B4GALT1: variants seen among roughly 807,000 people sequenced by gnomAD.
The protein encoded by B4GALT1 is beta-1,4-galactosyltransferase 1, also known as N-acetyllactosamine synthase.
In B4GALT1, 16 loss-of-function variants were observed where a neutral mutation model predicts 34.9. The ratio of observed to expected loss-of-function variants is 0.46; its 90% CI spans 0.31 to 0.70. The LOEUF is 0.70. Ranked by LOEUF, B4GALT1 falls within the 30% of genes least tolerant of loss-of-function variation. B4GALT1 has a pLI of 0.05. For missense variants in B4GALT1, 445 were observed against 530.5 expected (o/e 0.84, Z 1.58); for synonymous variants, 221 against 218.1 (o/e 1.01, Z -0.12).
intron 2 of B4GALT1, among the ~76,000 whole-genome samples, chr9:33,132,064 G>T (rs933670429): frequency 6.6e-6 from 1 of 151,644 alleles, no homozygotes; most frequent in African/African-American, 2.4e-5. Flanking sequence ...TTCTCCTAAG[G>T]TGGAAAGTTA....
intron 4 of B4GALT1, among the ~76,000 whole-genome samples, chr9:33,114,743 C>T (rs920901916): frequency 6.6e-6 from 1 of 152,360 alleles, no homozygotes; most frequent in South Asian, 2.1e-4. Flanking sequence ...AGAGGCAGAA[C>T]TGGCTGATCC....
intron 1 of B4GALT1, among the ~76,000 whole-genome samples, chr9:33,149,262 C>G (rs1222291998): frequency 2.0e-5 from 3 of 150,564 alleles, no homozygotes; most frequent in East Asian, 3.9e-4. Context: ...CCATAAGATA[C>G]TTAAAAAATT....
At chr9:33,106,299 G>A (rs1177071227), downstream of B4GALT1, among the ~76,000 whole-genome samples, 2 of 152,160 alleles carry the variant, frequency 1.3e-5, no homozygotes. Context: ...CTTTGTCAAA[G>A]GACAGATGGC....
intron 1 of B4GALT1, among the ~76,000 whole-genome samples, chr9:33,144,125 T>G (rs1487231508): frequency 6.6e-6 from 1 of 152,172 alleles, no homozygotes; most frequent in Non-Finnish European, 1.5e-5. Context: ...CTCAAGAGAT[T>G]TTCCTGTCTT....
chr9:33,183,480 TG>T, the B4GALT1 span, among the ~76,000 whole-genome samples: 2 of 138,632 alleles, frequency 1.4e-5, no homozygotes, highest in African/African-American at 5.4e-5. Context: ...TCATGTCCTT[TG>T]TAGGGACATG....
chr9:33,162,448 G>A (rs993876498), intron 1 of B4GALT1, among the ~76,000 whole-genome samples: 1 of 152,142 alleles, frequency 6.6e-6, no homozygotes, highest in Admixed American at 6.5e-5. Flanking sequence ...CATAATACAG[G>A]AACACTGCTG....
At chr9:33,164,937 A>G (rs1840725921) in intron 1 of B4GALT1, among the ~76,000 whole-genome samples, 1 of 141,902 alleles carries the variant, frequency 7.0e-6, no homozygotes, top group East Asian at 2.0e-4. Context: ...TATTATTACT[A>G]TATTATTATT....
intron 2 of B4GALT1, among the ~76,000 whole-genome samples, chr9:33,131,809 T>C (rs751719444): frequency 5.3e-5 from 8 of 152,232 alleles, no homozygotes; most frequent in Admixed American, 1.3e-4. Flanking sequence ...AGTTCCTAAT[T>C]TGTAGACAGG....
intron 1 of B4GALT1, among the ~76,000 whole-genome samples, chr9:33,148,358 C>T (rs954931465): frequency 5.9e-5 from 9 of 152,286 alleles, no homozygotes; most frequent in Admixed American, 5.9e-4. Flanking sequence ...TGATTATTCA[C>T]GGAGACACAG....
intron 2 of B4GALT1, among the ~76,000 whole-genome samples, 198 bp from the exon 3 acceptor site, chr9:33,120,804 A>G (rs1203351659): frequency 6.6e-6 from 1 of 152,182 alleles, no homozygotes; most frequent in Non-Finnish European, 1.5e-5. Context: ...TATCCTGCAG[A>G]AGGACTTGCA....
chr9:33,147,268 CCT>C (rs1739423316), intron 1 of B4GALT1, among the ~76,000 whole-genome samples: 2 of 141,344 alleles, frequency 1.4e-5, no homozygotes, highest in Non-Finnish European at 3.0e-5. Context: ...TTTTTTTCCC[CCT>C]GAGATGGAGT....
intron 1 of B4GALT1, among the ~76,000 whole-genome samples, chr9:33,156,056 A>G (rs1840589451): frequency 6.6e-6 from 1 of 152,058 alleles, no homozygotes; most frequent in South Asian, 2.1e-4. Context: ...GACATATGAC[A>G]TAGCTATAAG....
intron 1 of B4GALT1, among the ~76,000 whole-genome samples, chr9:33,156,212 C>G (rs936197213): frequency 6.6e-6 from 1 of 151,934 alleles, no homozygotes; most frequent in African/African-American, 2.4e-5. Context: ...GGGCTCACTG[C>G]AACCTCCGCC....
chr9:33,121,503 CA>C (rs1419209535), intron 2 of B4GALT1, among the ~76,000 whole-genome samples: 1 of 149,568 alleles, frequency 6.7e-6, no homozygotes, highest in African/African-American at 2.5e-5. Flanking sequence ...GCTGGGATTA[CA>C]GGCATGTGCC....
chr9:33,117,273 G>A (rs1048637476), intron 3 of B4GALT1, among the ~76,000 whole-genome samples: 1 of 152,172 alleles, frequency 6.6e-6, no homozygotes, highest in Non-Finnish European at 1.5e-5. Context: ...AAACTTCTTT[G>A]AAACTTCAGA....
chr9:33,141,941 A>G (rs976557820), intron 1 of B4GALT1, among the ~76,000 whole-genome samples: 2 of 152,160 alleles, frequency 1.3e-5, no homozygotes, highest in Admixed American at 1.3e-4. Flanking sequence ...CTGTTTCAAA[A>G]TCTAACTCAT....
intron 1 of B4GALT1, among the ~76,000 whole-genome samples, chr9:33,147,558 G>C (rs1840447333): frequency 6.6e-6 from 1 of 152,132 alleles, no homozygotes; most frequent in Non-Finnish European, 1.5e-5. Context: ...AGTCATTCTT[G>C]ATAGAGAGAA....
At chr9:33,132,843 T>A (rs1161652193) in intron 2 of B4GALT1, among the ~76,000 whole-genome samples, 2 of 152,210 alleles carry the variant, frequency 1.3e-5, no homozygotes, top group Non-Finnish European at 2.9e-5. Flanking sequence ...GTTCAAAAAT[T>A]CAGCATCATC....
At position 33,167,283 on chromosome 9, in the gene B4GALT1, G is replaced by C. The variant is rs1840780145; in HGVS notation, c.-114C>G. ...GCGACTAGGGGAGGGCCCGGAGCGG[G>C]GGCGGGCGAGCGGCTGAGAGCTGAG... On this transcript the variant is annotated 5_prime_UTR_variant, in exon 1 of 6. Transcript: ENST00000379731. The C allele has an allele frequency of 1.5e-6, 2 of 1,334,706 alleles. No homozygotes were observed. The highest frequency in any genetic ancestry group is 3.3e-5 in the Admixed American group (1 of 30,466). The allele number at this position is 1,334,706 out of a possible 1,614,324, so 82.7% of individuals were successfully genotyped here.
Sources: gnomAD v4.1 joint callset for allele counts (sites outside exome capture counted in the v4.1 genomes callset) on GRCh38, gnomAD v4.1.1 for gene constraint, MANE v1.5 for transcripts, NCBI Gene and HGNC (gene_info 2026-07-23, HGNC 2026-07-21) for gene names.